RAB6A: variants seen among roughly 807,000 people sequenced by gnomAD.
RAB6A encodes ras-related protein Rab-6A.
A neutral mutation model predicts 32.3 loss-of-function variants in RAB6A; 8 were observed. The observed-to-expected ratio is 0.25, with a 90% CI of 0.15 to 0.45. The LOEUF is 0.45. Among genes scored for constraint, RAB6A ranks in the 20% least tolerant of loss-of-function variants. The pLI, the probability that RAB6A is intolerant of heterozygous loss-of-function variation, is 1.00. For missense variants in RAB6A, 104 were observed against 249.4 expected (o/e 0.42, Z 3.93); for synonymous variants, 73 against 82.1 (o/e 0.89, Z 0.60).
At chr11:73,705,445 G>A (rs1189920786) in intron 6 of RAB6A, among the ~76,000 whole-genome samples, 4 of 152,290 alleles carry the variant, frequency 2.6e-5, no homozygotes, top group Admixed American at 1.3e-4. Context: ...CTACTGGGGA[G>A]TGTGAGGCAT....
chr11:73,754,765 A>T (rs922320576), intron 1 of RAB6A, among the ~76,000 whole-genome samples: 1 of 152,064 alleles, frequency 6.6e-6, no homozygotes, highest in Non-Finnish European at 1.5e-5. Context: ...CTAAAAAGTC[A>T]AAAAATTAGC....
intron 6 of RAB6A, among the ~76,000 whole-genome samples, chr11:73,680,958 T>G (rs1290824766): frequency 2.0e-5 from 3 of 152,178 alleles, no homozygotes; most frequent in Non-Finnish European, 2.9e-5. Context: ...GAACAACAGT[T>G]TATACTTCTT....
intron 2 of RAB6A, chr11:73,722,328 TATA>T (rs1565364904): frequency 9.3e-5 from 1 of 10,740 alleles, no homozygotes; most frequent in African/African-American, 3.0e-4. Context: ...TATATATATA[TATA>T]TATATATATA....
chr11:73,751,580 ACT>A (rs1488097275), intron 1 of RAB6A, among the ~76,000 whole-genome samples: 1 of 152,028 alleles, frequency 6.6e-6, no homozygotes, highest in Non-Finnish European at 1.5e-5. Flanking sequence ...GTAGATTAAC[ACT>A]CTCTTCTATT....
intron 1 of RAB6A, among the ~76,000 whole-genome samples, chr11:73,746,768 A>AT (rs1311305427): frequency 2.1e-4 from 31 of 147,308 alleles, no homozygotes; most frequent in African/African-American, 7.6e-4. Flanking sequence ...CTCGAAATAA[A>AT]TTAAAAAAAA....
At chr11:73,678,574 G>A (rs746899091) in intron 7 of RAB6A, among the ~76,000 whole-genome samples, 14 of 151,908 alleles carry the variant, frequency 9.2e-5, no homozygotes, top group Admixed American at 4.6e-4. Context: ...CTGAGATTGC[G>A]CTGCTGCACT....
intron 3 of RAB6A, among the ~76,000 whole-genome samples, chr11:73,719,852 G>A (rs1037021928): frequency 2.0e-5 from 3 of 151,904 alleles, no homozygotes; most frequent in African/African-American, 7.3e-5. Flanking sequence ...CTGACCTCAG[G>A]TGATCTGTCC....
At chr11:73,708,806 C>A (rs952768488) in intron 5 of RAB6A, among the ~76,000 whole-genome samples, 1 of 152,126 alleles carries the variant, frequency 6.6e-6, no homozygotes, top group Non-Finnish European at 1.5e-5. Context: ...TGCAAGTGTG[C>A]CCTTATATCC....
At chr11:73,727,963 CTTG>C (rs749671548) in intron 2 of RAB6A, among the ~76,000 whole-genome samples, 45 of 151,920 alleles carry the variant, frequency 3.0e-4, no homozygotes, top group Non-Finnish European at 4.6e-4. Flanking sequence ...TTAAGAGTAA[CTTG>C]TTTTCTTTTT....
chr11:73,707,307 C>T (rs771753509), intron 6 of RAB6A, 113 bp downstream of exon 6: 176 of 679,190 alleles, frequency 2.6e-4, no homozygotes, highest in Non-Finnish European at 4.1e-4. Flanking sequence ...AAATATACTG[C>T]TAGTTTGTAA....
intron 2 of RAB6A, among the ~76,000 whole-genome samples, chr11:73,721,225 G>C (rs909784300): frequency 6.6e-6 from 1 of 152,044 alleles, no homozygotes; most frequent in African/African-American, 2.4e-5. Flanking sequence ...TTAAATATTT[G>C]TATTTGAACT....
intron 2 of RAB6A, among the ~76,000 whole-genome samples, chr11:73,725,052 G>C (rs1053042773): frequency 2.0e-4 from 30 of 152,180 alleles, no homozygotes; most frequent in African/African-American, 6.5e-4. Context: ...TTTGATAGGA[G>C]GAGGGCATTT....
chr11:73,707,595 T>C (rs1945869002), intron 5 of RAB6A, 82 bp from the exon 6 acceptor site: 1 of 1,050,364 alleles, frequency 9.5e-7, no homozygotes, highest in Non-Finnish European at 1.4e-6. Context: ...TGAAAATAAC[T>C]TTCCTTGATA....
rs1394730433 is a variant in RAB6A at position 73,720,413 on chromosome 11, C to T, written c.183+433G>A. Among the ~76,000 whole-genome samples the T allele has an allele frequency of 9.9e-5, 15 of 151,974 alleles. No individual in the cohort carries two copies. In the East Asian group the frequency reaches 2.5e-3, roughly 26 times the overall value. On this transcript the variant is annotated intron_variant, in intron 3 of 7. Coordinates refer to ENST00000336083, the MANE Select transcript of RAB6A (RefSeq NM_198896.2). ...GCCAAGCTGGTCTCAAACTCCTGAC[C>T]TCAGATGATCCACCTGCCTCAGCCT... is the stretch of plus-strand genomic sequence containing the variant.
chr11:73,726,749 TAA>T (rs1255214229), intron 2 of RAB6A, among the ~76,000 whole-genome samples: 3 of 138,470 alleles, frequency 2.2e-5, no homozygotes, highest in African/African-American at 5.3e-5. Context: ...AACCCTGTCT[TAA>T]AAAAAAAAAA....
intron 1 of RAB6A, among the ~76,000 whole-genome samples, chr11:73,749,431 C>T (rs1018073649): frequency 6.6e-6 from 1 of 152,042 alleles, no homozygotes; most frequent in Non-Finnish European, 1.5e-5. Context: ...GATGGGTGCA[C>T]CAAAATCTCA....
At chr11:73,717,748 C>T (rs190924334) in intron 4 of RAB6A, among the ~76,000 whole-genome samples, 18 of 152,332 alleles carry the variant, frequency 1.2e-4, no homozygotes, top group Admixed American at 3.3e-4. Context: ...CCGGCCTAAA[C>T]CTAGCACTTT....
chr11:73,756,028 G>A (rs1946746439), intron 1 of RAB6A, among the ~76,000 whole-genome samples: 1 of 152,030 alleles, frequency 6.6e-6, no homozygotes, highest in South Asian at 2.1e-4. Context: ...GGGAAAAAAA[G>A]TTTAAAAACC....
chr11:73,722,335 ATATATATATTTTTTTTTT>A lies in RAB6A; in HGVS notation c.130-1454_130-1437del, dbSNP rs1213138727. ...TATATATATATATATATATATATAT[ATATATATATTTTTTTTTT>A]TTTTTTTTTTTTTTGAGACAGTCTC... On this transcript the variant is annotated intron_variant, in intron 2 of 7. Transcript: ENST00000336083. 5.4e-3 allele frequency: 60 copies of A among 11,124 alleles called. 1 individual carries two copies. The highest frequency in any genetic ancestry group is 8.6e-3 in the Non-Finnish European group (53 of 6,158). 0.7% of individuals were successfully genotyped at this position (11,124 alleles called of 1,614,324 possible).
Sources: allele counts gnomAD v4.1 joint callset (sites outside exome capture counted in the v4.1 genomes callset), GRCh38; gene constraint gnomAD v4.1.1; transcripts MANE v1.5; gene names NCBI Gene and HGNC (gene_info 2026-07-23, HGNC 2026-07-21).